The following WDR70 variants were observed in gnomAD, a reference collection of about 807,000 sequenced individuals.
The protein encoded by WDR70 is WD repeat-containing protein 70.
WDR70 carries 53 observed loss-of-function variants against 88.6 expected under a neutral mutation model. The observed-to-expected ratio is 0.60, with a 90% CI of 0.48 to 0.75. The LOEUF (loss-of-function observed/expected upper bound fraction) is 0.75. Ranked by LOEUF, WDR70 falls within the 30% of genes least tolerant of loss-of-function variation. The pLI, the probability that WDR70 is intolerant of heterozygous loss-of-function variation, is 0.00. For missense variants in WDR70, 610 were observed against 823.2 expected, an observed-to-expected ratio of 0.74 and a Z score of 3.17; for synonymous variants, 280 against 270.0, an observed-to-expected ratio of 1.04 and a Z score of -0.36.
chr5:37,495,941 G>T (rs527546023), intron 8 of WDR70, among the ~76,000 whole-genome samples: 16 of 152,190 alleles, frequency 1.1e-4, no homozygotes, highest in South Asian at 8.3e-4. Flanking sequence ...GGTTTTTTCT[G>T]TTTAACCTAC....
chr5:37,540,486 A>C (rs534942414), intron 9 of WDR70, among the ~76,000 whole-genome samples: 12 of 152,284 alleles, frequency 7.9e-5, no homozygotes, highest in Admixed American at 4.6e-4. Flanking sequence ...GGTTCAAGCC[A>C]TTCTCCTGCC....
intron 10 of WDR70, among the ~76,000 whole-genome samples, chr5:37,662,519 G>A (rs1745730099): frequency 6.6e-6 from 1 of 152,120 alleles, no homozygotes; most frequent in Admixed American, 6.5e-5. Context: ...TAATAAGTGA[G>A]TTACAACATC....
intron 8 of WDR70, among the ~76,000 whole-genome samples, chr5:37,497,982 T>G (rs1740281377): frequency 6.6e-6 from 1 of 152,100 alleles, no homozygotes; most frequent in South Asian, 2.1e-4. Context: ...CCACTAAACC[T>G]ATCTAATTTT....
intron 9 of WDR70, among the ~76,000 whole-genome samples, chr5:37,599,547 G>C (rs926862473): frequency 6.6e-6 from 1 of 152,198 alleles, no homozygotes; most frequent in African/African-American, 2.4e-5. Flanking sequence ...TGTAAAAAGA[G>C]TAGTCCTTTC....
intron 9 of WDR70, among the ~76,000 whole-genome samples, chr5:37,578,729 G>A (rs576007911): frequency 2.6e-5 from 4 of 152,320 alleles, no homozygotes; most frequent in African/African-American, 7.2e-5. Context: ...AGTTCACAGT[G>A]TAATGTGGGA....
chr5:37,701,907 T>C (rs559133117), intron 12 of WDR70, among the ~76,000 whole-genome samples: 8 of 152,294 alleles, frequency 5.3e-5, no homozygotes, highest in African/African-American at 1.9e-4. Context: ...TAATTCAGCA[T>C]CCTTCACTTG....
chr5:37,454,570 T>A (rs1375363995), intron 7 of WDR70, among the ~76,000 whole-genome samples: 2 of 152,186 alleles, frequency 1.3e-5, no homozygotes, highest in Non-Finnish European at 1.5e-5. Flanking sequence ...TTCTGAAATT[T>A]AAAAATTTCT....
chr5:37,513,466 A>C (rs1740784760), intron 8 of WDR70, among the ~76,000 whole-genome samples: 1 of 152,232 alleles, frequency 6.6e-6, no homozygotes, highest in African/African-American at 2.4e-5. Flanking sequence ...GAGGGAACAC[A>C]AAATAAGTGA....
At chr5:37,672,964 CG>C (rs924942797) in intron 10 of WDR70, among the ~76,000 whole-genome samples, 1 of 151,832 alleles carries the variant, frequency 6.6e-6, no homozygotes, top group Non-Finnish European at 1.5e-5. Flanking sequence ...ATCATGGAGG[CG>C]GGGGGGTTTG....
At chr5:37,694,295 C>T (rs1746911532) in intron 10 of WDR70, among the ~76,000 whole-genome samples, 1 of 152,156 alleles carries the variant, frequency 6.6e-6, no homozygotes, top group South Asian at 2.1e-4. Context: ...TGTGGCGATT[C>T]CTCAAGGGCC....
At chr5:37,616,961 A>G (rs1744362333) in intron 10 of WDR70, among the ~76,000 whole-genome samples, 1 of 152,150 alleles carries the variant, frequency 6.6e-6, no homozygotes, top group Non-Finnish European at 1.5e-5. Flanking sequence ...AGCCTTCAGT[A>G]TGTAGTGATG....
At chr5:37,614,117 G>C (rs1744264315) in intron 10 of WDR70, among the ~76,000 whole-genome samples, 1 of 152,060 alleles carries the variant, frequency 6.6e-6, no homozygotes. Context: ...AGTCTCTTTG[G>C]GCTAAAATCA....
At chr5:37,452,904 T>G (rs1199523510) in intron 7 of WDR70, among the ~76,000 whole-genome samples, 1 of 152,112 alleles carries the variant, frequency 6.6e-6, no homozygotes, top group African/African-American at 2.4e-5. Flanking sequence ...GAAGTCCAAG[T>G]CTAGGAGTGA....
chr5:37,482,991 C>T (rs1328684718), intron 8 of WDR70, among the ~76,000 whole-genome samples: 2 of 149,380 alleles, frequency 1.3e-5, no homozygotes, highest in South Asian at 2.1e-4. Context: ...AGGTAGTGTG[C>T]GATGATCATG....
At chr5:37,699,119 GGTATAT>G (rs1445742046) in intron 11 of WDR70, among the ~76,000 whole-genome samples, 2 of 151,888 alleles carry the variant, frequency 1.3e-5, no homozygotes, top group African/African-American at 4.8e-5. Flanking sequence ...TCTTTGGGAT[GGTATAT>G]CCAAGTCTCT....
At chr5:37,579,113 G>A (rs1381458534) in intron 9 of WDR70, among the ~76,000 whole-genome samples, 1 of 152,190 alleles carries the variant, frequency 6.6e-6, no homozygotes, top group African/African-American at 2.4e-5. Flanking sequence ...TCAGAAGGTT[G>A]TGGATTTTTG....
At chr5:37,498,737 C>G (rs760362302) in intron 8 of WDR70, among the ~76,000 whole-genome samples, 1 of 152,234 alleles carries the variant, frequency 6.6e-6, no homozygotes, top group Non-Finnish European at 1.5e-5. Context: ...TTCCCTCACA[C>G]CCCACATCTG....
At chr5:37,731,814 A>G (rs1405370870) in intron 17 of WDR70, among the ~76,000 whole-genome samples, 2 of 152,144 alleles carry the variant, frequency 1.3e-5, no homozygotes, top group Non-Finnish European at 2.9e-5. Flanking sequence ...GCAACGTATA[A>G]TATAGCAGTA....
At chr5:37,734,933 A>G (rs1023642308) in intron 17 of WDR70, among the ~76,000 whole-genome samples, 2 of 152,116 alleles carry the variant, frequency 1.3e-5, no homozygotes, top group African/African-American at 4.8e-5. Flanking sequence ...TATTCTTTCT[A>G]AGGTGTTAGA....
Sources: gnomAD v4.1 joint callset for allele counts (sites outside exome capture counted in the v4.1 genomes callset) on GRCh38, gnomAD v4.1.1 for gene constraint, MANE v1.5 for transcripts, NCBI Gene and HGNC (gene_info 2026-07-23, HGNC 2026-07-21) for gene names.